Variants in ITPRID1 observed in about 807,000 individuals in gnomAD.
ITPRID1 encodes ITPR interacting domain containing 1.
In ITPRID1, 96 loss-of-function variants were observed where a neutral mutation model predicts 95.4. That is an observed-to-expected ratio of 1.01 (90% CI 0.85 to 1.19). The LOEUF is 1.19. Ranked by LOEUF, ITPRID1 falls within the 50% of genes most tolerant of loss-of-function variation. ITPRID1 has a pLI of 0.00. For synonymous variants in ITPRID1, 510 were observed against 453.6 expected (o/e 1.12, Z -1.58); for missense variants, 1,339 against 1,252.9 (o/e 1.07, Z -1.04).
At chr7:31,560,903 A>G (rs752017539) in intron 5 of ITPRID1, among the ~76,000 whole-genome samples, 1 of 152,208 alleles carries the variant, frequency 6.6e-6, no homozygotes, top group Non-Finnish European at 1.5e-5. Context: ...TTAAAGACGG[A>G]AGACCACACA....
intron 10 of ITPRID1, among the ~76,000 whole-genome samples, chr7:31,634,611 A>G (rs1252265885): frequency 6.6e-6 from 1 of 152,176 alleles, no homozygotes; most frequent in Non-Finnish European, 1.5e-5. Context: ...ACTAGATTTC[A>G]ATAGCATCCA....
chr7:31,520,192 C>G (rs985423452), intron 1 of ITPRID1, among the ~76,000 whole-genome samples: 2 of 151,776 alleles, frequency 1.3e-5, no homozygotes, highest in Non-Finnish European at 2.9e-5. Context: ...AGGGAGACCA[C>G]AAAGGTAAAA....
At chr7:31,520,562 TGTGAGAGA>T (rs1347007938) in intron 1 of ITPRID1, among the ~76,000 whole-genome samples, 363 of 50,204 alleles carry the variant, frequency 7.2e-3, no homozygotes, top group African/African-American at 0.031. Context: ...TGTGTGTGTG[TGTGAGAGA>T]GAGAGAGAGA....
intron 10 of ITPRID1, among the ~76,000 whole-genome samples, chr7:31,619,112 T>C (rs1440621054): frequency 6.6e-6 from 1 of 152,236 alleles, no homozygotes; most frequent in Non-Finnish European, 1.5e-5. Context: ...AATCTGTGTA[T>C]ATTAGTCACA....
chr7:31,579,614 A>T lies in ITPRID1; in HGVS notation c.1170+1180A>T, dbSNP rs113978908. Among the ~76,000 whole-genome samples, 859 of 152,356 alleles carry T rather than the reference A, an allele frequency of 5.6e-3. 8 individuals are homozygous for T. The highest frequency in any genetic ancestry group is 0.02 in the African/African-American group (812 of 41,592). On this transcript the variant is annotated intron_variant, in intron 9 of 14. Transcript: ENST00000615280. ...TTAGCCAGCCTGGGGCCGAGAGGAT[A>T]AAGAAATTCATAGAAAGTAGGCTTA...
intron 10 of ITPRID1, among the ~76,000 whole-genome samples, chr7:31,600,074 A>G (rs1786328439): frequency 6.6e-6 from 1 of 152,178 alleles, no homozygotes; most frequent in African/African-American, 2.4e-5. Context: ...AAGATTTAAC[A>G]AAAAAAGTCA....
At chr7:31,596,653 C>T (rs182733257) in intron 10 of ITPRID1, among the ~76,000 whole-genome samples, 2 of 151,400 alleles carry the variant, frequency 1.3e-5, no homozygotes, top group East Asian at 1.9e-4. Flanking sequence ...AAAATATTTC[C>T]CTATCATCCT....
At chr7:31,555,393 T>C (rs1331922528) in intron 5 of ITPRID1, 1 of 152,524 alleles carries the variant, frequency 6.6e-6, no homozygotes, top group Non-Finnish European at 1.5e-5. Flanking sequence ...ATCACACTTG[T>C]TTCACTGAGA....
In ITPRID1 at chr7:31,541,959, A is replaced by T. The variant is rs192878097; in HGVS notation, c.-97-7467A>T. On this transcript the variant is annotated intron_variant, in intron 1 of 14. Coordinates refer to ENST00000615280, the MANE Select transcript of ITPRID1 (RefSeq NM_001257967.3). ...TTTAGCCAAAATGTTTACACACAGAATTTCCTTTACAATTAACCTTCCAAA... is the reference window on the plus strand; with the variant it reads ...TTTAGCCAAAATGTTTACACACAGATTTTCCTTTACAATTAACCTTCCAAA... Among the ~76,000 whole-genome samples, 359 of 152,272 alleles carry T rather than the reference A, an allele frequency of 2.4e-3. 1 individual carries two copies. The highest frequency in any genetic ancestry group is 8.0e-3 in the African/African-American group (333 of 41,558).
chr7:31,529,744 A>C, intron 1 of ITPRID1: 1 of 1,533,776 alleles, frequency 6.5e-7, no homozygotes, highest in Non-Finnish European at 8.7e-7. Flanking sequence ...ACAAAAAGGC[A>C]CAGAAGATCT....
downstream of ITPRID1, among the ~76,000 whole-genome samples, chr7:31,657,380 A>T (rs1791355158): frequency 1.3e-5 from 2 of 152,238 alleles, no homozygotes. Flanking sequence ...TACATTGAAC[A>T]TTAGCAGAAA....
chr7:31,521,695 T>TTCCC (rs1202958088), intron 1 of ITPRID1, among the ~76,000 whole-genome samples: 4 of 102,466 alleles, frequency 3.9e-5, no homozygotes, highest in African/African-American at 1.2e-4. Flanking sequence ...TCCTCCTTTA[T>TTCCC]TCCCTCCCTC....
At chr7:31,634,652 G>A (rs1221608647) in intron 10 of ITPRID1, among the ~76,000 whole-genome samples, 1 of 152,112 alleles carries the variant, frequency 6.6e-6, no homozygotes, top group Admixed American at 6.5e-5. Flanking sequence ...TTAAGCTATG[G>A]GATAGGCAGG....
chr7:31,549,049 A>G (rs1273696457), intron 1 of ITPRID1, among the ~76,000 whole-genome samples: 2 of 152,152 alleles, frequency 1.3e-5, no homozygotes, highest in South Asian at 2.1e-4. Flanking sequence ...AGATGTAGAC[A>G]GGGTGTTAGA....
intron 12 of ITPRID1, among the ~76,000 whole-genome samples, chr7:31,646,680 T>C (rs1385874493): frequency 6.6e-6 from 1 of 152,108 alleles, no homozygotes; most frequent in Non-Finnish European, 1.5e-5. Context: ...TCCTCCTGAT[T>C]TGACACTTTG....
rs962821285 is a variant in ITPRID1, at chr7:31,643,584, T to A, written c.2214T>A (p.Thr738=). ...TGPRGTSLEC[T]VCDPVTATET... is the part of the protein sequence containing the mutation. ...CCAGAGGAACATCTTTAGAATGCAC[T>A]GTGTGTGATCCTGTTACCGCAACAG... Residue 738 remains threonine, a synonymous_variant, in exon 12 of 15, where the codon ACT becomes ACA. Coordinates refer to ENST00000615280, the MANE Select transcript of ITPRID1 (RefSeq NM_001257967.3). 6.2e-7 allele frequency: 1 copy of A among 1,614,030 alleles called. No individual in the cohort carries two copies. The highest frequency in any genetic ancestry group is 8.5e-7 in the Non-Finnish European group (1 of 1,179,888).
chr7:31,603,264 G>T (rs1786475227), intron 10 of ITPRID1, among the ~76,000 whole-genome samples: 2 of 152,072 alleles, frequency 1.3e-5, no homozygotes, highest in Non-Finnish European at 1.5e-5. Context: ...CCAACGAGTG[G>T]TGCCAGGGAT....
chr7:31,582,456 G>T (rs1785437723), intron 9 of ITPRID1, among the ~76,000 whole-genome samples: 1 of 151,978 alleles, frequency 6.6e-6, no homozygotes, highest in Non-Finnish European at 1.5e-5. Flanking sequence ...TCACTATGTT[G>T]CCCAGGCTGA....
intron 10 of ITPRID1, among the ~76,000 whole-genome samples, chr7:31,618,680 T>C (rs1787504995): frequency 6.6e-6 from 1 of 152,150 alleles, no homozygotes; most frequent in Non-Finnish European, 1.5e-5. Flanking sequence ...TATTAGGGCT[T>C]ACCAATAATT....
Sources: allele counts gnomAD v4.1 joint callset (sites outside exome capture counted in the v4.1 genomes callset), GRCh38; gene constraint gnomAD v4.1.1; transcripts MANE v1.5; gene names NCBI Gene and HGNC (gene_info 2026-07-23, HGNC 2026-07-21).